PITPNC1: variants seen among roughly 807,000 people sequenced by gnomAD.
PITPNC1 encodes the protein cytoplasmic phosphatidylinositol transfer protein 1.
In PITPNC1, 18 loss-of-function variants were observed where a neutral mutation model predicts 44.7. The observed-to-expected ratio is 0.40, with a 90% confidence interval of 0.28 to 0.60. The LOEUF is 0.60. Ranked by LOEUF, PITPNC1 falls within the 20% of genes least tolerant of loss-of-function variation. The pLI is 0.39. For synonymous variants in PITPNC1, 141 were observed against 149.6 expected, an observed-to-expected ratio of 0.94 and a Z score of 0.42; for missense variants, 290 against 418.4, an observed-to-expected ratio of 0.69 and a Z score of 2.68.
In PITPNC1 at chr17:67,418,557, AT is replaced by A. The variant is rs368232007; in HGVS notation, c.48+40366del. On this transcript the variant is annotated intron_variant, in intron 1 of 8. Transcript: ENST00000581322. ...AGCTGAGGATGGGGGCATATTAGGA[AT>A]TTTTTTTTTTCTTTTTGAGATGGAG... is the stretch of plus-strand genomic sequence containing the variant. Among the ~76,000 whole-genome samples, 28 of 147,644 alleles carry A rather than the reference AT, an allele frequency of 1.9e-4. No homozygotes were observed. In the Middle Eastern group the frequency reaches 0.01, roughly 55 times the overall value.
intron 1 of PITPNC1, among the ~76,000 whole-genome samples, chr17:67,397,292 A>AT (rs1290516006): frequency 6.6e-6 from 1 of 151,920 alleles, no homozygotes; most frequent in Non-Finnish European, 1.5e-5. Context: ...TGACCATCTT[A>AT]TTTTTTTAAA....
chr17:67,538,877 G>A (rs951113071), intron 2 of PITPNC1, among the ~76,000 whole-genome samples: 4 of 151,354 alleles, frequency 2.6e-5, no homozygotes, highest in African/African-American at 7.3e-5. Flanking sequence ...CCTGCCTGGA[G>A]GTAAGTATTT....
intron 1 of PITPNC1, among the ~76,000 whole-genome samples, chr17:67,405,242 G>A (rs1350670417): frequency 2.0e-5 from 3 of 151,176 alleles, no homozygotes; most frequent in Admixed American, 6.6e-5. Flanking sequence ...GTAAGACTCC[G>A]TTTAAAAAAA....
chr17:67,390,137 G>A (rs942426746), intron 1 of PITPNC1, among the ~76,000 whole-genome samples: 1 of 152,158 alleles, frequency 6.6e-6, no homozygotes, highest in Non-Finnish European at 1.5e-5. Context: ...ATAAGGAGAT[G>A]GCTCTGGTTG....
chr17:67,638,023 G>C (rs2042053066), intron 6 of PITPNC1: 1 of 152,182 alleles, frequency 6.6e-6, no homozygotes, highest in Non-Finnish European at 1.5e-5. Flanking sequence ...ACCAAAGCAG[G>C]AAAAGGGGTG....
intron 5 of PITPNC1, among the ~76,000 whole-genome samples, chr17:67,624,452 T>TCCTCCCACCTTGG (rs112265852): frequency 0.1 from 15,463 of 152,232 alleles, 797 homozygotes; most frequent in Middle Eastern, 0.14. Flanking sequence ...GCTTAAGCCA[T>TCCTCCCACCTTGG]CCTCACAAAG....
intron 7 of PITPNC1, among the ~76,000 whole-genome samples, chr17:67,674,809 C>T (rs1230259818): frequency 1.3e-5 from 2 of 151,746 alleles, no homozygotes; most frequent in Non-Finnish European, 2.9e-5. Context: ...GTCAAGAGAT[C>T]GAGACCATCC....
chr17:67,528,997 C>T (rs1214131336), intron 1 of PITPNC1, among the ~76,000 whole-genome samples: 3 of 152,242 alleles, frequency 2.0e-5, no homozygotes, highest in Non-Finnish European at 4.4e-5. Context: ...GAAGAAGTGA[C>T]GGCTGCAGAG....
chr17:67,530,881 G>C (rs1400038918), intron 1 of PITPNC1, among the ~76,000 whole-genome samples: 1 of 151,996 alleles, frequency 6.6e-6, no homozygotes, highest in Non-Finnish European at 1.5e-5. Context: ...GCCTTTACGA[G>C]CAAAAGTCAA....
intron 5 of PITPNC1, among the ~76,000 whole-genome samples, chr17:67,588,553 C>A (rs1026434741): frequency 6.6e-6 from 1 of 152,102 alleles, no homozygotes; most frequent in Non-Finnish European, 1.5e-5. Context: ...ATATGCTACA[C>A]GCCTGTTAGT....
At chr17:67,409,526 C>A (rs930280827) in intron 1 of PITPNC1, among the ~76,000 whole-genome samples, 1 of 151,944 alleles carries the variant, frequency 6.6e-6, no homozygotes, top group Non-Finnish European at 1.5e-5. Context: ...AACTACAAAT[C>A]ATTTCTTTTT....
intron 1 of PITPNC1, chr17:67,471,604 C>T (rs1486583077): frequency 2.8e-6 from 1 of 359,098 alleles, no homozygotes; most frequent in Non-Finnish European, 5.3e-6. Flanking sequence ...TGCAATTATT[C>T]TGTAAATCTA....
intron 1 of PITPNC1, among the ~76,000 whole-genome samples, chr17:67,412,230 C>T (rs2038510251): frequency 6.6e-6 from 1 of 152,148 alleles, no homozygotes; most frequent in Non-Finnish European, 1.5e-5. Context: ...CCAAACTGAG[C>T]ACAGGACTTG....
At chr17:67,443,934 C>G (rs757447831) in intron 1 of PITPNC1, among the ~76,000 whole-genome samples, 9 of 151,866 alleles carry the variant, frequency 5.9e-5, no homozygotes, top group Non-Finnish European at 1.2e-4. Flanking sequence ...TGCGCCCGGC[C>G]GACACTGGTC....
intron 1 of PITPNC1, among the ~76,000 whole-genome samples, chr17:67,500,257 G>A (rs75239224): frequency 0.087 from 13,218 of 151,814 alleles, 572 homozygotes; most frequent in South Asian, 0.14. Flanking sequence ...TCCCTTTTAC[G>A]TTGTCCAAAT....
At chr17:67,575,411 C>A (rs1307701497) in intron 4 of PITPNC1, among the ~76,000 whole-genome samples, 1 of 152,194 alleles carries the variant, frequency 6.6e-6, no homozygotes, top group Non-Finnish European at 1.5e-5. Flanking sequence ...GGGCCTTGTT[C>A]TCCATAAAGG....
chr17:67,417,314 GA>G (rs991380051), intron 1 of PITPNC1, among the ~76,000 whole-genome samples: 31 of 151,910 alleles, frequency 2.0e-4, no homozygotes, highest in African/African-American at 7.2e-4. Context: ...TTGTTTTGTA[GA>G]GACAGGTCTT....
intron 5 of PITPNC1, among the ~76,000 whole-genome samples, chr17:67,608,285 C>A (rs1291602652): frequency 1.4e-5 from 2 of 139,774 alleles, no homozygotes; most frequent in Non-Finnish European, 3.1e-5. Flanking sequence ...TCCTAACTTG[C>A]CTAGCTACTC....
At position 67,554,118 on chromosome 17, in the gene PITPNC1, G is replaced by A. The variant is rs1000007752; in HGVS notation, c.294+501G>A. ...GATAAAATTTCTTCTTCTCCTAAGA[G>A]CCTCTAGGGTTATTACTTAGACTGA... On this transcript the variant is annotated intron_variant, in intron 4 of 8. Transcript: ENST00000581322. Among the ~76,000 whole-genome samples, 6 of 151,994 alleles carry A rather than the reference G, an allele frequency of 3.9e-5. No homozygotes were observed. In the South Asian group the frequency reaches 6.2e-4, roughly 16 times the overall value.
Sources: allele counts gnomAD v4.1 joint callset (sites outside exome capture counted in the v4.1 genomes callset), GRCh38; gene constraint gnomAD v4.1.1; transcripts MANE v1.5; gene names NCBI Gene and HGNC (gene_info 2026-07-23, HGNC 2026-07-21).